HAL: variants seen among roughly 807,000 people sequenced by gnomAD.
HAL encodes the protein histidase.
Under a neutral mutation model 81.1 loss-of-function variants are expected in HAL, and 85 were observed. The observed-to-expected ratio is 1.05, with a 90% CI of 0.88 to 1.25. The LOEUF (loss-of-function observed/expected upper bound fraction) is 1.25, where lower values mean the gene tolerates loss of function less well. Ranked by LOEUF, HAL falls within the 50% of genes most tolerant of loss-of-function variation. The probability of loss-of-function intolerance (pLI) is 0.00; values close to 1 mark genes in which losing one functional copy is unlikely to be tolerated. For synonymous variants in HAL, 301 were observed against 309.2 expected (o/e 0.97, Z 0.28); for missense variants, 798 against 836.6 (o/e 0.95, Z 0.57).
rs1483409768 is a variant in HAL at position 95,995,980 on chromosome 12, G to C, written c.-70C>G. On this transcript the variant is annotated 5_prime_UTR_variant, in exon 2 of 21. Transcript: ENST00000261208. ...GAGCTTTATGCAGGAGTGGCTACCG[G>C]GGTGTGGTCAGCTGGAAGGATGAGA... The C allele has an allele frequency of 1.2e-5, 19 of 1,524,676 alleles. No individual in the cohort carries two copies. The East Asian group carries it at 1.8e-4, about 14-fold the overall frequency. The allele number at this position is 1,524,676 out of a possible 1,614,324, so 94.4% of individuals were successfully genotyped here.
At position 95,986,125 on chromosome 12, in the gene HAL, C is replaced by T. The variant is rs1949884547; in HGVS notation, c.1087G>A (p.Glu363Lys). 9 of 1,611,654 alleles carry T rather than the reference C, an allele frequency of 5.6e-6. No individual in the cohort carries two copies. The highest frequency in any genetic ancestry group is 7.6e-6 in the Non-Finnish European group (9 of 1,177,718). ...HALRPHRGQI[E>K]VAFRFRSLLD... ...AGTGACCGAAACCGAAAAGCAACTT[C>T]AATTTGCCCACGGTGAGGTCGAAGA... Residue 363 changes from glutamate to lysine, a missense_variant, in exon 13 of 21, where the codon GAA becomes AAA. By Grantham distance (56) the Glu-to-Lys change is moderately conservative. Transcript: ENST00000261208.
At chr12:95,992,640 A>G in intron 9 of HAL, 40 bp downstream of exon 9, 1 of 1,575,380 alleles carries the variant, frequency 6.3e-7, no homozygotes, top group Non-Finnish European at 8.7e-7. Context: ...GTACATGTCC[A>G]GCCTCCACAG....
chr12:95,976,685 G>A lies in HAL; in HGVS notation c.1676C>T (p.Ala559Val). Residue 559 changes from alanine (A) to valine (V), a missense_variant, in exon 19 of 21, where the codon GCA (alanine) becomes GTA (valine). Physicochemically the swap from Ala to Val is moderately conservative, Grantham distance 64. Coordinates refer to ENST00000261208, the MANE Select transcript of HAL (RefSeq NM_002108.4). ...TAGAAACTCTATGCCCTGGCAGGCT[G>A]CAAGGAGCTCGATGGCCAGCACTGA... Reference protein sequence around the residue: ...VEQVLAIELLAACQGIEFLRP... With the variant: ...VEQVLAIELLVACQGIEFLRP... 1 of 1,610,618 alleles carries A rather than the reference G, an allele frequency of 6.2e-7. No homozygotes were observed. The highest frequency in any genetic ancestry group is 8.5e-7 in the Non-Finnish European group (1 of 1,176,830).
intron 14 of HAL, among the ~76,000 whole-genome samples, chr12:95,985,482 C>T (rs776297043): frequency 2.5e-4 from 38 of 151,938 alleles, no homozygotes; most frequent in African/African-American, 7.2e-4. Flanking sequence ...CCCATCTACT[C>T]GGGAGGTTGA....
chr12:95,974,624 C>T (rs1260946106), intron 20 of HAL, among the ~76,000 whole-genome samples: 1 of 152,164 alleles, frequency 6.6e-6, no homozygotes, highest in African/African-American at 2.4e-5. Context: ...GCATACTTTT[C>T]CTAAGCAAAA....
Position 95,994,135 on chromosome 12 carries a change from G to C in HAL, c.366C>G (p.Thr122=). 1.2e-6 allele frequency: 2 copies of C among 1,613,052 alleles called. No homozygotes were observed. The highest frequency in any genetic ancestry group is 1.7e-6 in the Non-Finnish European group (2 of 1,179,098). ...KYIELDGDRL[T]TEDLVNLGKG... is the part of the protein sequence containing the mutation. ...TTCCCAAGTTGACCAGATCCTCCGT[G>C]GTCAGACGGTCTCCATCTAACTCGA... is the stretch of plus-strand genomic sequence containing the variant. Residue 122 remains threonine (T), a synonymous_variant, in exon 5 of 21, where the codon ACC becomes ACG. Coordinates refer to ENST00000261208, the MANE Select transcript of HAL (RefSeq NM_002108.4).
At chr12:95,992,190 T>C (rs1033905040) in intron 9 of HAL, among the ~76,000 whole-genome samples, 2 of 152,242 alleles carry the variant, frequency 1.3e-5, no homozygotes, top group Non-Finnish European at 2.9e-5. Context: ...AAGGGAGTCA[T>C]TAACCTCTTT....
intron 11 of HAL, among the ~76,000 whole-genome samples, chr12:95,987,711 T>C (rs1949911727): frequency 6.6e-6 from 1 of 152,158 alleles, no homozygotes; most frequent in African/African-American, 2.4e-5. Flanking sequence ...GCATGAAGAA[T>C]CTTTTTTTCT....
chr12:95,981,890 A>AT (rs1279904243), intron 15 of HAL, among the ~76,000 whole-genome samples: 4 of 152,342 alleles, frequency 2.6e-5, no homozygotes, highest in South Asian at 4.1e-4. Flanking sequence ...TTCATTACCT[A>AT]TTAACTGAGA....
intron 15 of HAL, among the ~76,000 whole-genome samples, 166 bp from the exon 16 acceptor site, chr12:95,981,029 A>C (rs775985069): frequency 3.9e-5 from 6 of 152,198 alleles, no homozygotes; most frequent in Non-Finnish European, 7.4e-5. Context: ...ACAAAAGCAA[A>C]AAACAAAAAG....
At chr12:95,985,396 C>A (rs981763770) in intron 14 of HAL, among the ~76,000 whole-genome samples, 2 of 151,988 alleles carry the variant, frequency 1.3e-5, no homozygotes, top group Non-Finnish European at 2.9e-5. Context: ...GGGTTCGAGA[C>A]CAGCTTGGCC....
chr12:95,989,103 G>A (rs1406250532), intron 10 of HAL, among the ~76,000 whole-genome samples: 3 of 152,194 alleles, frequency 2.0e-5, no homozygotes, highest in Non-Finnish European at 1.5e-5. Context: ...CATTTGCTAG[G>A]AGAGCATACA....
At chr12:95,980,961 G>A (rs769245358) in intron 15 of HAL, 98 bp from the exon 16 acceptor site, 3 of 801,796 alleles carry the variant, frequency 3.7e-6, no homozygotes, top group East Asian at 2.5e-5. Flanking sequence ...GGCAGTCTGT[G>A]TACAAATGTG....
intron 12 of HAL, among the ~76,000 whole-genome samples, chr12:95,986,529 G>T (rs1439651942): frequency 6.6e-6 from 1 of 152,114 alleles, no homozygotes; most frequent in African/African-American, 2.4e-5. Flanking sequence ...TGAGACCACT[G>T]GGAATTCCAC....
intron 18 of HAL, 71 bp downstream of exon 18, chr12:95,977,873 G>A (rs867609532): frequency 2.0e-6 from 3 of 1,514,412 alleles, no homozygotes; most frequent in Non-Finnish European, 2.7e-6. Context: ...GCTGGTGGGA[G>A]ATCCCACTTG....
chr12:95,982,086 T>C (rs1010270489), intron 15 of HAL, among the ~76,000 whole-genome samples: 1 of 152,216 alleles, frequency 6.6e-6, no homozygotes, highest in African/African-American at 2.4e-5. Flanking sequence ...TGCATCAATT[T>C]AGAACTTAGA....
intron 9 of HAL, among the ~76,000 whole-genome samples, chr12:95,992,035 C>G (rs563847295): frequency 6.6e-6 from 1 of 152,314 alleles, no homozygotes; most frequent in Middle Eastern, 3.4e-3. Context: ...CTCCACTGAC[C>G]TAGAAGGCTT....
intron 15 of HAL, 106 bp downstream of exon 15, chr12:95,983,805 A>G: frequency 2.7e-6 from 2 of 732,718 alleles, no homozygotes; most frequent in Non-Finnish European, 4.9e-6. Context: ...ACTCTGTGAA[A>G]TGGAGCAATG....
Position 95,977,903 on chromosome 12 carries a change from T to C in HAL, c.1654+41A>G, listed in dbSNP as rs756221856. On this transcript the variant is annotated intron_variant, in intron 18 of 20. Coordinates refer to ENST00000261208, the MANE Select transcript of HAL (RefSeq NM_002108.4). ...CACTTGAGAACCACGGGCACAGTGG[T>C]CTATCAGGCAGGCCCGCCACCCCGA... The C allele has an allele frequency of 3.1e-6, 5 of 1,609,624 alleles. No homozygotes were observed. The East Asian group carries it at 1.1e-4, about 36-fold the overall frequency.
Sources: gnomAD v4.1 joint callset for allele counts (sites outside exome capture counted in the v4.1 genomes callset) on GRCh38, gnomAD v4.1.1 for gene constraint, MANE v1.5 for transcripts, NCBI Gene and HGNC (gene_info 2026-07-23, HGNC 2026-07-21) for gene names.